GTF2IRD1: variants seen among roughly 807,000 people sequenced by gnomAD.
GTF2IRD1 encodes GTF2I repeat domain containing 1.
A neutral mutation model predicts 113.2 loss-of-function variants in GTF2IRD1; 26 were observed. That is an observed-to-expected ratio of 0.23 (90% CI 0.17 to 0.32). The LOEUF is 0.32. GTF2IRD1 is among the 10% of genes least tolerant of loss of function. The pLI is 1.00. For synonymous variants in GTF2IRD1, 484 were observed against 529.1 expected, an observed-to-expected ratio of 0.91 and a Z score of 1.17; for missense variants, 864 against 1,280.8, an observed-to-expected ratio of 0.67 and a Z score of 4.97.
chr7:74,547,505 A>T, intron 17 of GTF2IRD1, among the ~76,000 whole-genome samples: 1 of 144,192 alleles, frequency 6.9e-6, no homozygotes, highest in Non-Finnish European at 1.5e-5. Flanking sequence ...CAGTGATACG[A>T]ACTTGGCTCA....
In GTF2IRD1 at chr7:74,485,159, A is replaced by T. The variant is rs532216727; in HGVS notation, c.-6-22916A>T. 4.3e-4 allele frequency among the ~76,000 whole-genome samples: 66 copies of T among 152,212 alleles called. 2 individuals are homozygous for T. In the South Asian group the frequency reaches 0.013, roughly 30 times the overall value. ...TTGTGAGTGGGATCATGCCAGAGGG[A>T]TGTGCATCAAGGCATCCTCTAGCTA... On this transcript the variant is annotated intron_variant, in intron 1 of 26. Transcript: ENST00000424337.
At chr7:74,538,279 G>A in intron 12 of GTF2IRD1, 106 bp downstream of exon 12, 2 of 1,139,398 alleles carry the variant, frequency 1.8e-6, no homozygotes, top group Non-Finnish European at 2.6e-6. Context: ...TGAGCCTGGA[G>A]TGCTAACGAG....
intron 4 of GTF2IRD1, among the ~76,000 whole-genome samples, chr7:74,517,425 AC>A (rs1304746565): frequency 2.3e-5 from 2 of 86,210 alleles, no homozygotes; most frequent in East Asian, 9.8e-4. Context: ...TCCTCCCTAC[AC>A]CTTTTTTTTT....
intron 1 of GTF2IRD1, among the ~76,000 whole-genome samples, chr7:74,503,310 G>C (rs1168932409): frequency 6.6e-6 from 1 of 152,182 alleles, no homozygotes; most frequent in African/African-American, 2.4e-5. Context: ...CAGGTGGGCG[G>C]AGCAAAATCG....
At chr7:74,505,741 C>T (rs1554340890) in intron 1 of GTF2IRD1, among the ~76,000 whole-genome samples, 1 of 152,168 alleles carries the variant, frequency 6.6e-6, no homozygotes, top group African/African-American at 2.4e-5. Context: ...AGGGGGACAC[C>T]TTCCAGCCCC....
intron 22 of GTF2IRD1, among the ~76,000 whole-genome samples, chr7:74,560,246 G>A (rs1283922943): frequency 1.1e-4 from 17 of 151,984 alleles, no homozygotes; most frequent in Non-Finnish European, 2.1e-4. Context: ...GAGGGGCCAG[G>A]CCGAGTCAGT....
At chr7:74,490,825 G>C (rs1438301188) in intron 1 of GTF2IRD1, among the ~76,000 whole-genome samples, 2 of 152,160 alleles carry the variant, frequency 1.3e-5, no homozygotes, top group African/African-American at 4.8e-5. Flanking sequence ...TTCCAAGGGG[G>C]AAGAGATTGG....
In GTF2IRD1 at chr7:74,590,933, A is replaced by G. The variant is rs782435591; in HGVS notation, c.2507A>G (p.Asn836Ser). 6.2e-7 allele frequency: 1 copy of G among 1,613,530 alleles called. No homozygotes were observed. The change falls in exon 24 of 27, where the codon AAC becomes AGC. Residue 836 changes from asparagine (N) to serine (S), a missense_variant. By Grantham distance (46) the Asn-to-Ser change is conservative. This residue lies in a region of GTF2IRD1 where 195 missense variants were observed against 359.1 expected (regional missense o/e 0.54). Coordinates refer to ENST00000424337, the MANE Select transcript of GTF2IRD1 (RefSeq NM_005685.4). ...TGLPDDIPFR[N>S]PNTYDIHRLE... The stretch of plus-strand genomic sequence containing the variant: ...CTGCCTGATGACATCCCCTTCCGGA[A>G]CCCCAACACGTACGACATCCACCGG...
intron 9 of GTF2IRD1, among the ~76,000 whole-genome samples, chr7:74,532,621 A>T (rs1411346712): frequency 6.6e-6 from 1 of 152,188 alleles, no homozygotes; most frequent in Non-Finnish European, 1.5e-5. Flanking sequence ...CTGAGGAAGC[A>T]GGCCTCAGAA....
chr7:74,515,069 A>T (rs1265967610), intron 3 of GTF2IRD1, among the ~76,000 whole-genome samples: 9 of 151,636 alleles, frequency 5.9e-5, no homozygotes, highest in Admixed American at 5.9e-4. Flanking sequence ...AAAAAAAAAA[A>T]AAAAAAAAAA....
intron 1 of GTF2IRD1, among the ~76,000 whole-genome samples, chr7:74,483,546 C>A (rs1554335053): frequency 6.6e-6 from 1 of 151,464 alleles, no homozygotes; most frequent in East Asian, 1.9e-4. Context: ...ACTGTCTCTA[C>A]AAAAAAAATT....
At position 74,500,126 on chromosome 7, in the gene GTF2IRD1, T is replaced by G. The variant is rs140483974; in HGVS notation, c.-6-7949T>G. ...ACATGCTGGTGCATGGTGTAAGGGCTTGGGCTTGGGCTGAGCTGGCTCACA... is the reference window on the plus strand; with the variant it reads ...ACATGCTGGTGCATGGTGTAAGGGCGTGGGCTTGGGCTGAGCTGGCTCACA... On this transcript the variant is annotated intron_variant, in intron 1 of 26. Coordinates refer to ENST00000424337, the MANE Select transcript of GTF2IRD1 (RefSeq NM_005685.4). Among the ~76,000 whole-genome samples the G allele has an allele frequency of 4.3e-3, 649 of 152,302 alleles. 9 individuals are homozygous for G. The highest frequency in any genetic ancestry group is 0.013 in the African/African-American group (547 of 41,574).
chr7:74,464,578 G>T (rs568382512), intron 1 of GTF2IRD1, among the ~76,000 whole-genome samples: 92 of 152,116 alleles, frequency 6.0e-4, no homozygotes, highest in African/African-American at 2.1e-3. Context: ...CTCCCAAATA[G>T]CTGGGATTAC....
intron 12 of GTF2IRD1, 60 bp from the exon 13 acceptor site, chr7:74,538,620 T>G: frequency 1.0e-6 from 1 of 954,606 alleles, no homozygotes; most frequent in Non-Finnish European, 1.7e-6. Flanking sequence ...CTGGAAAGAG[T>G]CACTCTGCCC....
chr7:74,494,653 G>A (rs1203404483), intron 1 of GTF2IRD1, among the ~76,000 whole-genome samples: 1 of 152,152 alleles, frequency 6.6e-6, no homozygotes, highest in Non-Finnish European at 1.5e-5. Flanking sequence ...TTGGGAGGCC[G>A]AGGTGGGAAG....
At chr7:74,554,860 C>T (rs1554356220) in intron 17 of GTF2IRD1, among the ~76,000 whole-genome samples, 1 of 152,152 alleles carries the variant, frequency 6.6e-6, no homozygotes, top group Non-Finnish European at 1.5e-5. Context: ...TTTAAACCAG[C>T]TCCACGGGAG....
Position 74,471,694 on chromosome 7 carries a change from A to C in GTF2IRD1, c.-7+17518A>C, listed in dbSNP as rs1201787677. Among the ~76,000 whole-genome samples, 12 of 84,770 alleles carry C rather than the reference A, an allele frequency of 1.4e-4. No homozygotes were observed. The South Asian group carries it at 3.4e-3, about 24-fold the overall frequency. 55.6% of individuals were successfully genotyped at this position (84,770 alleles called of 152,430 possible). Reference sequence around the variant, plus strand: ...ATTTAAAAAAAAAAAAAAAAACAAAAAAAAAAACAAAAAAAACGGCCGGGT... The same window carrying C: ...ATTTAAAAAAAAAAAAAAAAACAAACAAAAAAACAAAAAAAACGGCCGGGT... On this transcript the variant is annotated intron_variant, in intron 1 of 26. Coordinates refer to ENST00000424337, the MANE Select transcript of GTF2IRD1 (RefSeq NM_005685.4).
chr7:74,529,098 G>A (rs1231706524), intron 8 of GTF2IRD1, among the ~76,000 whole-genome samples: 14 of 152,058 alleles, frequency 9.2e-5, no homozygotes, highest in Admixed American at 8.5e-4. Flanking sequence ...GCATTGAACC[G>A]AGTGTATGCT....
chr7:74,562,373 G>A (rs1482599601), intron 22 of GTF2IRD1, among the ~76,000 whole-genome samples: 2 of 152,022 alleles, frequency 1.3e-5, no homozygotes, highest in Non-Finnish European at 2.9e-5. Context: ...CAGCATGTGG[G>A]CCATGGGAAA....
Sources: gnomAD v4.1 joint callset for allele counts (sites outside exome capture counted in the v4.1 genomes callset) on GRCh38, gnomAD v4.1.1 for gene constraint, gnomAD v4.1.1 regional missense constraint, MANE v1.5 for transcripts, NCBI Gene and HGNC (gene_info 2026-07-23, HGNC 2026-07-21) for gene names.